Variants in DENND1A observed in about 807,000 individuals in gnomAD.
DENND1A encodes DENN domain-containing protein 1A.
Under a neutral mutation model 113.7 loss-of-function variants are expected in DENND1A, and 51 were observed. The ratio of observed to expected loss-of-function variants is 0.45; its 90% CI spans 0.36 to 0.57. The LOEUF (loss-of-function observed/expected upper bound fraction) is 0.57, where lower values mean the gene tolerates loss of function less well. DENND1A is among the 20% of genes least tolerant of loss of function. The pLI is 0.00. For missense variants in DENND1A, 1,258 were observed against 1,395.9 expected, an observed-to-expected ratio of 0.90 and a Z score of 1.57; for synonymous variants, 565 against 570.8, an observed-to-expected ratio of 0.99 and a Z score of 0.14.
At chr9:123,580,773 C>T (rs568858743) in intron 12 of DENND1A, among the ~76,000 whole-genome samples, 21 of 152,340 alleles carry the variant, frequency 1.4e-4, no homozygotes, top group Non-Finnish European at 2.5e-4. Flanking sequence ...CCATGTACTA[C>T]CCTGTCCTGA....
chr9:123,890,844 A>G (rs913818384), intron 1 of DENND1A, among the ~76,000 whole-genome samples: 1 of 152,206 alleles, frequency 6.6e-6, no homozygotes, highest in Non-Finnish European at 1.5e-5. Flanking sequence ...ATATAATTGT[A>G]TCCTCACAAT....
At chr9:123,628,253 G>A (rs1292645486) in intron 10 of DENND1A, among the ~76,000 whole-genome samples, 1 of 151,808 alleles carries the variant, frequency 6.6e-6, no homozygotes, top group Non-Finnish European at 1.5e-5. Context: ...GAATAAGATG[G>A]GAAGGAGATG....
chr9:123,875,298 G>A (rs1256888307), intron 2 of DENND1A, among the ~76,000 whole-genome samples: 1 of 152,154 alleles, frequency 6.6e-6, no homozygotes. Context: ...GGCCTCTGGG[G>A]TGCTGGGCAA....
intron 12 of DENND1A, among the ~76,000 whole-genome samples, chr9:123,575,548 T>C (rs1268215503): frequency 2.0e-5 from 3 of 152,244 alleles, no homozygotes; most frequent in Non-Finnish European, 4.4e-5. Flanking sequence ...TCAGTGGTTA[T>C]ATGATATCCA....
intron 13 of DENND1A, among the ~76,000 whole-genome samples, chr9:123,539,302 G>A (rs1455890600): frequency 6.6e-6 from 1 of 152,072 alleles, no homozygotes; most frequent in African/African-American, 2.4e-5. Context: ...CTCACACAGT[G>A]GGAAATCACC....
chr9:123,485,982 A>G (rs1348876970), intron 13 of DENND1A, among the ~76,000 whole-genome samples: 3 of 152,138 alleles, frequency 2.0e-5, no homozygotes, highest in Non-Finnish European at 2.9e-5. Flanking sequence ...CAAGGGGTTG[A>G]TTCCCCTGGA....
chr9:123,862,097 A>T (rs1845138012), intron 2 of DENND1A, among the ~76,000 whole-genome samples: 1 of 152,226 alleles, frequency 6.6e-6, no homozygotes, highest in African/African-American at 2.4e-5. Context: ...TCCTAATAAA[A>T]AAAAATTTTT....
At chr9:123,484,191 T>C (rs758686534) in intron 13 of DENND1A, among the ~76,000 whole-genome samples, 1 of 152,188 alleles carries the variant, frequency 6.6e-6, no homozygotes, top group Non-Finnish European at 1.5e-5. Context: ...TAGTATATTA[T>C]CTTCTATCTA....
chr9:123,493,489 C>T (rs991965008), intron 13 of DENND1A, among the ~76,000 whole-genome samples: 1 of 152,108 alleles, frequency 6.6e-6, no homozygotes, highest in South Asian at 2.1e-4. Flanking sequence ...CTGACAGTGC[C>T]CAGAGAGCGG....
intron 2 of DENND1A, among the ~76,000 whole-genome samples, chr9:123,821,608 G>T (rs1044012520): frequency 6.6e-6 from 1 of 152,206 alleles, no homozygotes; most frequent in Non-Finnish European, 1.5e-5. Flanking sequence ...TAAGAAAGGA[G>T]ACAACCTAAG....
At chr9:123,431,340 C>T (rs1283196952) in intron 19 of DENND1A, among the ~76,000 whole-genome samples, 1 of 152,156 alleles carries the variant, frequency 6.6e-6, no homozygotes, top group African/African-American at 2.4e-5. Context: ...GTACAGGATA[C>T]CAGCTTACTT....
intron 13 of DENND1A, among the ~76,000 whole-genome samples, chr9:123,494,399 T>C (rs1312895237): frequency 6.6e-6 from 1 of 152,082 alleles, no homozygotes; most frequent in Non-Finnish European, 1.5e-5. Flanking sequence ...GCTGGCATGG[T>C]GGGGGTACGT....
chr9:123,903,128 C>T (rs1323204272), intron 1 of DENND1A, among the ~76,000 whole-genome samples: 2 of 151,300 alleles, frequency 1.3e-5, no homozygotes, highest in East Asian at 1.9e-4. Flanking sequence ...GTCAGGAGAT[C>T]GAGACCATCC....
intron 4 of DENND1A, among the ~76,000 whole-genome samples, chr9:123,768,840 G>C (rs1414822639): frequency 6.7e-6 from 1 of 148,710 alleles, no homozygotes; most frequent in Non-Finnish European, 1.5e-5. Context: ...ATTAACCAGT[G>C]GCTCGTTAAA....
rs58270598 is a variant in DENND1A, at chr9:123,888,956, CTGTGTGTGTG to C, written c.18-9945_18-9936del. 2.6e-3 allele frequency among the ~76,000 whole-genome samples: 339 copies of C among 131,166 alleles called. 1 individual carries two copies. The highest frequency in any genetic ancestry group is 0.011 in the Middle Eastern group (3 of 276). The allele number at this position is 131,166 out of a possible 152,430, so 86.0% of individuals were successfully genotyped here. A position where few individuals can be genotyped will look rare whatever the true frequency, so the allele number is the denominator to read the frequency against. Reference sequence around the variant, plus strand: ...CATCAGGTCAATACCGTGCTTTAAACTGTGTGTGTGTGTGTGTGTGTGTGTGTGTGTGTGT... The same window carrying C: ...CATCAGGTCAATACCGTGCTTTAAACTGTGTGTGTGTGTGTGTGTGTGTGT... On this transcript the variant is annotated intron_variant, in intron 1 of 23. Coordinates refer to ENST00000394215, the MANE Select transcript of DENND1A (RefSeq NM_001352964.2).
chr9:123,922,401 A>G (rs936734636), intron 1 of DENND1A, among the ~76,000 whole-genome samples: 2 of 152,230 alleles, frequency 1.3e-5, no homozygotes, highest in Non-Finnish European at 2.9e-5. Flanking sequence ...ATAAATTATA[A>G]TAATGCCTTA....
chr9:123,898,228 A>G (rs879810912), intron 1 of DENND1A, among the ~76,000 whole-genome samples: 2 of 152,054 alleles, frequency 1.3e-5, no homozygotes, highest in Non-Finnish European at 2.9e-5. Flanking sequence ...TTCCATTTGT[A>G]TATCTTCTTT....
chr9:123,900,847 T>C (rs1207943690), intron 1 of DENND1A, among the ~76,000 whole-genome samples: 1 of 152,212 alleles, frequency 6.6e-6, no homozygotes, highest in Non-Finnish European at 1.5e-5. Flanking sequence ...GAAACCTCTC[T>C]GTGACTTTCT....
chr9:123,583,195 C>A lies in DENND1A; in HGVS notation c.841G>T (p.Asp281Tyr). The A allele has an allele frequency of 6.2e-7, 1 of 1,612,726 alleles. No homozygotes were observed. Among genetic ancestry groups the A allele is most frequent in the South Asian group, 1.1e-5 (1 of 90,850 alleles). ...ACGTCGTTTGGGAGGCTCTGGAGGT[C>A]ATCGAAGGGGGTTTCCAGGGTGTTG... is the stretch of plus-strand genomic sequence containing the variant. ...DTNTLETPFD[D>Y]LQSLPNDVIS... Residue 281 changes from aspartate (D) to tyrosine (Y), a missense_variant, in exon 12 of 24, where the codon GAC (aspartate) becomes TAC (tyrosine). By Grantham distance (160) the Asp-to-Tyr change is radical. Around this residue, in one of 2 missense-constraint regions of DENND1A, gnomAD observed 1,159 missense variants for 1,231.7 expected, o/e 0.94. Transcript: ENST00000394215.
Sources: gnomAD v4.1 joint callset for allele counts (sites outside exome capture counted in the v4.1 genomes callset) on GRCh38, gnomAD v4.1.1 for gene constraint, gnomAD v4.1.1 regional missense constraint, MANE v1.5 for transcripts, NCBI Gene and HGNC (gene_info 2026-07-23, HGNC 2026-07-21) for gene names.